Variants in PPP2R2C observed in about 807,000 individuals in gnomAD.
The protein encoded by PPP2R2C is protein phosphatase 2, regulatory subunit B, gamma.
In PPP2R2C, 10 loss-of-function variants were observed where a neutral mutation model predicts 45.3. The observed-to-expected ratio is 0.22, with a 90% CI of 0.14 to 0.37. The LOEUF (loss-of-function observed/expected upper bound fraction) is 0.37. PPP2R2C is among the 10% of genes least tolerant of loss of function. The pLI, the probability that PPP2R2C is intolerant of heterozygous loss-of-function variation, is 1.00. For synonymous variants in PPP2R2C, 257 were observed against 245.4 expected, an observed-to-expected ratio of 1.05 and a Z score of -0.44; for missense variants, 308 against 619.7, an observed-to-expected ratio of 0.50 and a Z score of 5.34.
At chr4:6,504,710 G>C (rs1245200877) in intron 2 of PPP2R2C, among the ~76,000 whole-genome samples, 1 of 152,136 alleles carries the variant, frequency 6.6e-6, no homozygotes, top group Non-Finnish European at 1.5e-5. Context: ...AATTCCAGAA[G>C]AGTCAGTGAA....
Position 6,332,726 on chromosome 4 carries a change from G to A in PPP2R2C, c.960+836C>T, listed in dbSNP as rs930088151. ...AATAGGATGATGGCTCCTTGTCACC[G>A]GACAGTAAAGAATGGAGGTGACAGA... On this transcript the variant is annotated intron_variant, in intron 7 of 8. Transcript: ENST00000382599. This position sits in a 1 kb window ranked among gnomAD's most constrained non-coding sequence, Gnocchi z 4.9. Among the ~76,000 whole-genome samples, 14 of 152,196 alleles carry A rather than the reference G, an allele frequency of 9.2e-5. No homozygotes were observed. In the South Asian group the frequency reaches 1.0e-3, roughly 11 times the overall value.
At chr4:6,423,296 C>T (rs1313674323) in intron 1 of PPP2R2C, among the ~76,000 whole-genome samples, 5 of 152,172 alleles carry the variant, frequency 3.3e-5, no homozygotes, top group African/African-American at 9.7e-5. Flanking sequence ...CTCTGCCTCC[C>T]GGATTCAAGC....
chr4:6,397,402 G>A (rs967512089), intron 1 of PPP2R2C, among the ~76,000 whole-genome samples: 4 of 152,234 alleles, frequency 2.6e-5, no homozygotes, highest in Admixed American at 6.5e-5. Context: ...AGAAACATCC[G>A]GAGGGATGCT....
chr4:6,425,649 C>A (rs987159610), intron 1 of PPP2R2C, among the ~76,000 whole-genome samples: 1 of 152,334 alleles, frequency 6.6e-6, no homozygotes, highest in South Asian at 2.1e-4. Context: ...TTGCAATTTC[C>A]CCTTCATCAC....
intron 8 of PPP2R2C, 99 bp from the exon 9 acceptor site, chr4:6,323,692 T>C (rs1577063302): frequency 2.4e-6 from 3 of 1,262,570 alleles, no homozygotes; most frequent in Non-Finnish European, 3.1e-6. Flanking sequence ...TCCCAGGACT[T>C]TGGGAGGCCC....
chr4:6,515,166 G>A (rs1723791683), intron 2 of PPP2R2C, among the ~76,000 whole-genome samples: 1 of 152,090 alleles, frequency 6.6e-6, no homozygotes, highest in African/African-American at 2.4e-5. Context: ...GGTGGCGGCT[G>A]GTCACTTTAA....
At chr4:6,370,911 A>G (rs1366174022) in intron 5 of PPP2R2C, among the ~76,000 whole-genome samples, 2 of 152,150 alleles carry the variant, frequency 1.3e-5, no homozygotes, top group Non-Finnish European at 2.9e-5. Context: ...CAAGCCTTCA[A>G]AGCAGCTCAG....
At chr4:6,351,016 T>C (rs1712501903) in intron 5 of PPP2R2C, 2 of 985,344 alleles carry the variant, frequency 2.0e-6, no homozygotes, top group Non-Finnish European at 2.4e-6. Context: ...TTTCAAAGTA[T>C]GTAGGAGGCC....
chr4:6,545,676 C>T (rs1724955804), intron 1 of PPP2R2C, among the ~76,000 whole-genome samples: 1 of 152,152 alleles, frequency 6.6e-6, no homozygotes, highest in African/African-American at 2.4e-5. Flanking sequence ...TCTGAGCAAC[C>T]CTCTTTTTCT....
intron 2 of PPP2R2C, among the ~76,000 whole-genome samples, chr4:6,481,504 C>T (rs954691636): frequency 6.6e-6 from 1 of 152,160 alleles, no homozygotes; most frequent in Non-Finnish European, 1.5e-5. Context: ...CTATTCTGTT[C>T]CATTGGTCTT....
In PPP2R2C at chr4:6,345,763, C is replaced by T. The variant is rs1218395316; in HGVS notation, c.790+2083G>A. ...ATACATATGCCCTGTTTTCAGCCAC[C>T]AAGTGTGTGGTCCTTTGTTGTGGCG... On this transcript the variant is annotated intron_variant, in intron 6 of 8. Coordinates refer to ENST00000382599, the MANE Select transcript of PPP2R2C (RefSeq NM_020416.4). The surrounding 1 kb of genome is among the most constrained non-coding windows in gnomAD (Gnocchi z 5.3). Among the ~76,000 whole-genome samples, 1 of 152,120 alleles carries T rather than the reference C, an allele frequency of 6.6e-6. No individual in the cohort carries two copies. The highest frequency in any genetic ancestry group is 1.5e-5 in the Non-Finnish European group (1 of 68,010).
intron 3 of PPP2R2C, 94 bp from the exon 4 acceptor site, chr4:6,376,025 C>T (rs1175846355): frequency 9.5e-7 from 1 of 1,056,602 alleles, no homozygotes; most frequent in Non-Finnish European, 1.4e-6. Flanking sequence ...TGAGGCACCT[C>T]CTGGGGAAGG....
At chr4:6,456,466 T>C (rs1577197216) in intron 1 of PPP2R2C, among the ~76,000 whole-genome samples, 1 of 152,232 alleles carries the variant, frequency 6.6e-6, no homozygotes, top group African/African-American at 2.4e-5. Flanking sequence ...TCATGATGGA[T>C]TATATTTTCA....
chr4:6,347,817 G>GCCCCC, intron 6 of PPP2R2C, 29 bp downstream of exon 6: 4 of 1,058,508 alleles, frequency 3.8e-6, no homozygotes, highest in East Asian at 5.0e-5. Flanking sequence ...CCAATGCACA[G>GCCCCC]CCCCCCACCC....
intron 5 of PPP2R2C, among the ~76,000 whole-genome samples, chr4:6,356,271 CGGCT>C (rs1713181450): frequency 6.6e-6 from 1 of 152,214 alleles, no homozygotes. Flanking sequence ...CACGTGCGGC[CGGCT>C]GGCTGGGTGG....
intron 2 of PPP2R2C, among the ~76,000 whole-genome samples, chr4:6,511,092 G>A (rs1723433323): frequency 1.3e-5 from 2 of 151,132 alleles, no homozygotes; most frequent in Non-Finnish European, 2.9e-5. Context: ...CCCTGAATTT[G>A]TCCTTCTCTT....
In PPP2R2C at chr4:6,562,962, C is replaced by CA. The variant is rs746793663; in HGVS notation, c.-59+597dup. Reference sequence around the variant, plus strand: ...ACTGTCATGGACTGTCCCTGCCAGCCAAAAAAAAAAAAAAAAGGCTTCTCC... The same window carrying CA: ...ACTGTCATGGACTGTCCCTGCCAGCCAAAAAAAAAAAAAAAAAGGCTTCTCC... On this transcript the variant is annotated intron_variant, in intron 1 of 9. Coordinates refer to the PPP2R2C transcript ENST00000506140. Among the ~76,000 whole-genome samples the CA allele has an allele frequency of 9.3e-3, 773 of 83,044 alleles. 6 individuals carry two copies. The highest frequency in any genetic ancestry group is 0.02 in the African/African-American group (431 of 21,806). The allele number at this position is 83,044 out of a possible 152,430, so 54.5% of individuals were successfully genotyped here.
intron 2 of PPP2R2C, among the ~76,000 whole-genome samples, chr4:6,511,831 G>GTAA (rs1723560339): frequency 2.8e-5 from 1 of 35,816 alleles, no homozygotes; most frequent in Non-Finnish European, 6.6e-5. Flanking sequence ...GGTGGTGGTG[G>GTAA]TGGTGATGGT....
At chr4:6,484,447 G>A (rs1379812739) in intron 2 of PPP2R2C, among the ~76,000 whole-genome samples, 1 of 151,412 alleles carries the variant, frequency 6.6e-6, no homozygotes, top group Non-Finnish European at 1.5e-5. Context: ...CTATTTCAAA[G>A]TTGTTTTGGC....
Sources: gnomAD v4.1 joint callset for allele counts (sites outside exome capture counted in the v4.1 genomes callset) on GRCh38, gnomAD v4.1.1 for gene constraint, Gnocchi (gnomAD v3.1) non-coding constraint, MANE v1.5 for transcripts, NCBI Gene and HGNC (gene_info 2026-07-23, HGNC 2026-07-21) for gene names.